The following GPHN variants were observed in gnomAD, a reference collection of about 807,000 sequenced individuals.
GPHN encodes gephyrin.
Under a neutral mutation model 95.5 loss-of-function variants are expected in GPHN, and 17 were observed. That is an observed-to-expected ratio of 0.18 (90% CI 0.12 to 0.27). GPHN has a LOEUF of 0.27. Ranked by LOEUF, GPHN falls within the 10% of genes least tolerant of loss-of-function variation. The pLI, the probability that GPHN is intolerant of heterozygous loss-of-function variation, is 1.00. For missense variants in GPHN, 660 were observed against 978.1 expected, an observed-to-expected ratio of 0.67 and a Z score of 4.34; for synonymous variants, 320 against 322.5, an observed-to-expected ratio of 0.99 and a Z score of 0.08.
At chr14:67,679,149 G>A in the GPHN span, among the ~76,000 whole-genome samples, 1 of 152,144 alleles carries the variant, frequency 6.6e-6, no homozygotes. Flanking sequence ...GCATGACATG[G>A]GCAAGAGAGG....
chr14:67,209,711 G>A, the GPHN span, among the ~76,000 whole-genome samples: 40 of 151,436 alleles, frequency 2.6e-4, no homozygotes, highest in Non-Finnish European at 5.5e-4. Flanking sequence ...CCAGCTACTC[G>A]GGAGGCTGAG....
At chr14:66,908,875 C>G (rs1172100762) in intron 5 of GPHN, among the ~76,000 whole-genome samples, 1 of 149,746 alleles carries the variant, frequency 6.7e-6, no homozygotes, top group Non-Finnish European at 1.5e-5. Context: ...CCAGCACTTA[C>G]CAAAGCTATC....
At chr14:66,820,201 A>T (rs543437190) in intron 3 of GPHN, among the ~76,000 whole-genome samples, 14 of 152,230 alleles carry the variant, frequency 9.2e-5, no homozygotes, top group African/African-American at 3.4e-4. Context: ...TCTGTTTATT[A>T]TATGATTTTC....
chr14:66,990,840 GT>G, intron 9 of GPHN, among the ~76,000 whole-genome samples: 1 of 148,856 alleles, frequency 6.7e-6, no homozygotes, highest in East Asian at 1.9e-4. Flanking sequence ...TTTGCTAATA[GT>G]TTAATTTGCT....
intron 2 of GPHN, among the ~76,000 whole-genome samples, chr14:66,753,138 G>A (rs181472908): frequency 6.6e-6 from 1 of 152,062 alleles, no homozygotes; most frequent in Non-Finnish European, 1.5e-5. Context: ...GGAACCCACT[G>A]TTGGGGGTGG....
intron 11 of GPHN, among the ~76,000 whole-genome samples, chr14:67,064,533 G>T (rs777684381): frequency 2.0e-5 from 3 of 152,018 alleles, no homozygotes; most frequent in Non-Finnish European, 4.4e-5. Flanking sequence ...TGTACCTCTC[G>T]TAGAATTTGG....
chr14:66,771,661 G>A (rs935416911), intron 2 of GPHN, among the ~76,000 whole-genome samples: 4 of 151,738 alleles, frequency 2.6e-5, no homozygotes, highest in Middle Eastern at 3.4e-3. Context: ...TGCCATGCTC[G>A]TGTGCTGCAC....
At chr14:66,824,862 C>G (rs2061336167) in intron 4 of GPHN, among the ~76,000 whole-genome samples, 1 of 152,104 alleles carries the variant, frequency 6.6e-6, no homozygotes, top group South Asian at 2.1e-4. Flanking sequence ...GAAGTGATAG[C>G]AGAATTCTGA....
intron 1 of GPHN, among the ~76,000 whole-genome samples, chr14:66,510,913 T>A (rs1428295889): frequency 6.6e-6 from 1 of 151,936 alleles, no homozygotes; most frequent in Non-Finnish European, 1.5e-5. Flanking sequence ...TGAGGTACAG[T>A]AGTCTAGGGG....
the GPHN span, chr14:67,690,976 C>T: frequency 4.7e-6 from 3 of 636,430 alleles, 1 homozygote; most frequent in Non-Finnish European, 8.5e-6. Flanking sequence ...TGGAGCAGCC[C>T]TCAGGTATTC....
chr14:67,149,663 TATTA>T (rs1285516757), intron 18 of GPHN, among the ~76,000 whole-genome samples: 11 of 152,234 alleles, frequency 7.2e-5, no homozygotes, highest in African/African-American at 2.7e-4. Context: ...CAACTACCCA[TATTA>T]ATTATGATGT....
At chr14:66,833,095 A>G (rs117184350) in intron 4 of GPHN, among the ~76,000 whole-genome samples, 1,831 of 152,292 alleles carry the variant, frequency 0.012, 19 homozygotes, top group Non-Finnish European at 0.018. Flanking sequence ...TTACTGTATT[A>G]GTCTGTTCTC....
the GPHN span, among the ~76,000 whole-genome samples, chr14:67,401,425 T>C: frequency 1.3e-5 from 2 of 152,006 alleles, no homozygotes; most frequent in African/African-American, 4.8e-5. Flanking sequence ...GGTGGGAGGA[T>C]TGCTGGGGCC....
At position 66,902,300 on chromosome 14, in the gene GPHN, G is replaced by T. The variant is rs537276758; in HGVS notation, c.390-13703G>T. Among the ~76,000 whole-genome samples, 7 of 151,968 alleles carry T rather than the reference G, an allele frequency of 4.6e-5. No individual in the cohort carries two copies. The South Asian group carries it at 1.5e-3, about 32-fold the overall frequency. ...GTCTCCAGATTTTTCTAACTATAAG[G>T]TCATGTCATCTGCAAACAAGTCTAC... is the stretch of plus-strand genomic sequence containing the variant. On this transcript the variant is annotated intron_variant, in intron 5 of 22. Transcript: ENST00000478722.
chr14:66,994,458 C>G (rs752053211), intron 9 of GPHN, among the ~76,000 whole-genome samples: 1 of 152,012 alleles, frequency 6.6e-6, no homozygotes, highest in African/African-American at 2.4e-5. Context: ...CTGCAGTGGC[C>G]TAAGACATTA....
At chr14:67,367,604 C>T in the GPHN span, among the ~76,000 whole-genome samples, 3 of 152,192 alleles carry the variant, frequency 2.0e-5, no homozygotes, top group East Asian at 3.8e-4. Flanking sequence ...GAATGGAACA[C>T]GGTGGGCACG....
At chr14:66,805,121 C>T (rs1467017107) in intron 3 of GPHN, among the ~76,000 whole-genome samples, 1 of 152,114 alleles carries the variant, frequency 6.6e-6, no homozygotes, top group African/African-American at 2.4e-5. Context: ...GCTGGGGAGG[C>T]CTCACAATCA....
the GPHN span, chr14:67,585,166 G>T: frequency 0.21 from 34,595 of 164,020 alleles, 4,444 homozygotes; most frequent in Non-Finnish European, 0.29. Flanking sequence ...ACTTCGGCTT[G>T]GAGACTATAG....
At chr14:66,650,209 C>A (rs1380666940) in intron 1 of GPHN, among the ~76,000 whole-genome samples, 1 of 152,074 alleles carries the variant, frequency 6.6e-6, no homozygotes, top group African/African-American at 2.4e-5. Context: ...TATGTGGTGA[C>A]TGGCTGTCCA....
Sources: allele counts gnomAD v4.1 joint callset (sites outside exome capture counted in the v4.1 genomes callset), GRCh38; gene constraint gnomAD v4.1.1; transcripts MANE v1.5; gene names NCBI Gene and HGNC (gene_info 2026-07-23, HGNC 2026-07-21).